KMT2C: variants seen among roughly 807,000 people sequenced by gnomAD.
KMT2C encodes lysine methyltransferase 2C, also known as histone-lysine N-methyltransferase 2C.
In KMT2C, 88 loss-of-function variants were observed where a neutral mutation model predicts 507.9. The ratio of observed to expected loss-of-function variants is 0.17; its 90% CI spans 0.15 to 0.21. KMT2C has a LOEUF of 0.21. Among genes scored for constraint, KMT2C ranks in the 10% least tolerant of loss-of-function variants. The pLI is 1.00. For synonymous variants in KMT2C, 2,049 were observed against 2,080.8 expected (o/e 0.98, Z 0.42); for missense variants, 4,954 against 5,957.8 (o/e 0.83, Z 5.55).
Position 152,310,002 on chromosome 7 carries a change from C to T in KMT2C, c.813G>A (p.Val271=). The T allele has an allele frequency of 6.2e-7, 1 of 1,613,632 alleles. No homozygotes were observed. Among genetic ancestry groups the T allele is most frequent in the Non-Finnish European group, 8.5e-7 (1 of 1,179,584 alleles). ...GVCQMEEPLL[V]NVDKAVVSGS... is the part of the protein sequence containing the mutation. ...CTGAGACAACAGCTTTGTCCACGTT[C>T]ACTAACAATGGTTCTTCCATCTGGC... Residue 271 remains valine (V), a synonymous_variant, in exon 6 of 59, where the codon GTG becomes GTA. Coordinates refer to ENST00000262189, the MANE Select transcript of KMT2C (RefSeq NM_170606.3).
intron 42 of KMT2C, 102 bp downstream of exon 42, chr7:152,167,044 T>C (rs1220487373): frequency 3.4e-6 from 3 of 891,990 alleles, no homozygotes; most frequent in East Asian, 5.1e-5. Context: ...CATTTAATAC[T>C]AGTCAAAAAA....
intron 49 of KMT2C, among the ~76,000 whole-genome samples, chr7:152,151,797 G>C (rs1285612769): frequency 1.3e-5 from 2 of 152,150 alleles, no homozygotes; most frequent in Non-Finnish European, 2.9e-5. Context: ...AAATAGCTGG[G>C]AAAGCAATGG....
At chr7:152,195,447 G>T in intron 28 of KMT2C, 2 of 683,764 alleles carry the variant, frequency 2.9e-6, no homozygotes, top group Non-Finnish European at 3.6e-6. Context: ...GCACCTACAG[G>T]TTGTTTCAGC....
At chr7:152,232,461 AG>A (rs1203398840) in intron 16 of KMT2C, among the ~76,000 whole-genome samples, 1 of 152,196 alleles carries the variant, frequency 6.6e-6, no homozygotes, top group Non-Finnish European at 1.5e-5. Flanking sequence ...AAACATGCAA[AG>A]TCATTATATG....
chr7:152,351,654 A>C (rs549364587), intron 2 of KMT2C, among the ~76,000 whole-genome samples: 1 of 152,218 alleles, frequency 6.6e-6, no homozygotes, highest in African/African-American at 2.4e-5. Flanking sequence ...TAAATTGTGA[A>C]GATTTCACAG....
At chr7:152,272,330 T>G (rs1653534199) in intron 7 of KMT2C, among the ~76,000 whole-genome samples, 1 of 152,208 alleles carries the variant, frequency 6.6e-6, no homozygotes, top group Non-Finnish European at 1.5e-5. Flanking sequence ...AGTAATAAAA[T>G]ATTCTAACAC....
chr7:152,392,164 C>CA (rs139084595), intron 1 of KMT2C, among the ~76,000 whole-genome samples: 2 of 151,918 alleles, frequency 1.3e-5, no homozygotes, highest in South Asian at 4.2e-4. Flanking sequence ...AGTTACCATG[C>CA]AAAAAAATAT....
At chr7:152,308,880 C>G (rs1157784210) in intron 6 of KMT2C, among the ~76,000 whole-genome samples, 1 of 151,952 alleles carries the variant, frequency 6.6e-6, no homozygotes, top group African/African-American at 2.4e-5. Flanking sequence ...AAAGCAGTAT[C>G]ACTTCACAGA....
chr7:152,379,039 G>A (rs1221913216), intron 1 of KMT2C, among the ~76,000 whole-genome samples: 2 of 152,050 alleles, frequency 1.3e-5, no homozygotes, highest in African/African-American at 4.8e-5. Flanking sequence ...CAACAGCCTG[G>A]TCTGTAGAAA....
chr7:152,268,637 T>C (rs925673125), intron 7 of KMT2C, among the ~76,000 whole-genome samples: 6 of 152,338 alleles, frequency 3.9e-5, no homozygotes, highest in African/African-American at 1.4e-4. Flanking sequence ...TGGGATGTTA[T>C]GTTTCTTAAG....
At position 152,238,779 on chromosome 7, in the gene KMT2C, T is replaced by C. The variant is rs1340490758; in HGVS notation, c.2580A>G (p.Pro860=). The change falls in exon 15 of 59, where the codon CCA becomes CCG. Residue 860 remains proline, a synonymous_variant. Transcript: ENST00000262189. ...AAATTTCCCGACCTTCTGAAATGTC[T>C]GGGGACCAGGAAGGTGGGCTCACTG... The part of the protein sequence containing the change: ...HNTVSPPSWS[P]DISEGREIFK... 2.5e-5 allele frequency: 40 copies of C among 1,609,868 alleles called. No homozygotes were observed. The highest frequency in any genetic ancestry group is 3.3e-5 in the Non-Finnish European group (39 of 1,178,862).
At position 152,154,314 on chromosome 7, in the gene KMT2C, G is replaced by A. The variant is rs776400633; in HGVS notation, c.12092C>T (p.Pro4031Leu). ...LSLVKEEPPE[P>L]VPSPIIPILP... ...AATTGGAATGATGGGGGACGGCACC[G>A]GTTCTGGAGGCTCCTCCTTGACCAA... The change falls in exon 47 of 59, where the codon CCG becomes CTG. Residue 4031 changes from proline (P) to leucine (L), a missense_variant. Transcript: ENST00000262189. The A allele has an allele frequency of 3.1e-6, 5 of 1,614,036 alleles. No homozygotes were observed. The highest frequency in any genetic ancestry group is 2.2e-5 in the East Asian group (1 of 44,894).
At chr7:152,209,638 G>A (rs1430957743) in intron 23 of KMT2C, among the ~76,000 whole-genome samples, 1 of 151,684 alleles carries the variant, frequency 6.6e-6, no homozygotes, top group African/African-American at 2.4e-5. Context: ...GGGAGGCTGA[G>A]GTGGGAGAAG....
At chr7:152,321,906 G>T (rs1392479011) in intron 3 of KMT2C, among the ~76,000 whole-genome samples, 1 of 151,774 alleles carries the variant, frequency 6.6e-6, no homozygotes, top group African/African-American at 2.4e-5. Context: ...AATTTTCACA[G>T]AAATAAATTA....
At chr7:152,151,075 A>C in intron 50 of KMT2C, 68 bp from the exon 51 acceptor site, 1 of 918,102 alleles carries the variant, frequency 1.1e-6, no homozygotes, top group Non-Finnish European at 1.7e-6. Flanking sequence ...GGATCTATAC[A>C]TTATTTTTAT....
At chr7:152,188,531 A>G (rs2093689728) in intron 31 of KMT2C, among the ~76,000 whole-genome samples, 1 of 151,278 alleles carries the variant, frequency 6.6e-6, no homozygotes, top group South Asian at 2.1e-4. Flanking sequence ...TTAAAAATTT[A>G]CAAACAGATG....
At chr7:152,421,037 T>TA (rs532614184) in intron 1 of KMT2C, among the ~76,000 whole-genome samples, 1,582 of 143,192 alleles carry the variant, frequency 0.011, 18 homozygotes, top group African/African-American at 0.032. Context: ...TAGTTTATAA[T>TA]AAAAAAAAAA....
intron 44 of KMT2C, 156 bp downstream of exon 44, chr7:152,158,707 G>A (rs186992195): frequency 5.7e-6 from 4 of 697,140 alleles, no homozygotes; most frequent in Admixed American, 2.3e-5. Context: ...GTAGAGATGA[G>A]GTTTTGCCAT....
At chr7:152,309,769 C>A (rs2096654171) in intron 6 of KMT2C, among the ~76,000 whole-genome samples, 197 bp downstream of exon 6, 1 of 152,020 alleles carries the variant, frequency 6.6e-6, no homozygotes, top group Non-Finnish European at 1.5e-5. Context: ...GATCCACCCA[C>A]CTCGGCCTCC....
Sources: gnomAD v4.1 joint callset for allele counts (sites outside exome capture counted in the v4.1 genomes callset) on GRCh38, gnomAD v4.1.1 for gene constraint, MANE v1.5 for transcripts, NCBI Gene and HGNC (gene_info 2026-07-23, HGNC 2026-07-21) for gene names.